Variants in GALNT13 observed in about 807,000 individuals in gnomAD.
The protein encoded by GALNT13 is polypeptide N-acetylgalactosaminyltransferase 13.
GALNT13 carries 28 observed loss-of-function variants against 64.2 expected under a neutral mutation model. The observed-to-expected ratio is 0.44, with a 90% CI of 0.32 to 0.60. The LOEUF is 0.60. Among genes scored for constraint, GALNT13 ranks in the 20% least tolerant of loss-of-function variants. The pLI is 0.05. For synonymous variants in GALNT13, 214 were observed against 224.6 expected (o/e 0.95, Z 0.42); for missense variants, 577 against 669.8 (o/e 0.86, Z 1.53).
the GALNT13 span, among the ~76,000 whole-genome samples, chr2:153,706,212 G>T: frequency 6.6e-6 from 1 of 152,024 alleles, no homozygotes; most frequent in Non-Finnish European, 1.5e-5. Context: ...GGCCAAGATG[G>T]TCTGGATCTC....
At chr2:153,302,851 G>T in the GALNT13 span, among the ~76,000 whole-genome samples, 10 of 152,096 alleles carry the variant, frequency 6.6e-5, no homozygotes, top group South Asian at 6.2e-4. Context: ...TCAACTAACT[G>T]TAAATGCATG....
chr2:154,330,313 A>G (rs1047138885), intron 9 of GALNT13, among the ~76,000 whole-genome samples: 3 of 152,124 alleles, frequency 2.0e-5, no homozygotes, highest in African/African-American at 4.8e-5. Flanking sequence ...ATTCGTTAGT[A>G]TAACACCCTC....
At chr2:153,435,118 T>G in the GALNT13 span, among the ~76,000 whole-genome samples, 2 of 152,194 alleles carry the variant, frequency 1.3e-5, no homozygotes, top group South Asian at 4.1e-4. Flanking sequence ...TTTGTCAGGT[T>G]TGTCAAAGAT....
At chr2:153,359,613 C>G in the GALNT13 span, among the ~76,000 whole-genome samples, 1 of 62,918 alleles carries the variant, frequency 1.6e-5, no homozygotes, top group African/African-American at 5.9e-5. Flanking sequence ...AATGGGACAC[C>G]AAAATCCAGC....
the GALNT13 span, among the ~76,000 whole-genome samples, chr2:153,483,146 A>G: frequency 6.6e-6 from 1 of 152,202 alleles, no homozygotes; most frequent in Admixed American, 6.5e-5. Flanking sequence ...TGGTACAGCC[A>G]TTGTGAAAAA....
intron 9 of GALNT13, among the ~76,000 whole-genome samples, chr2:154,390,330 A>G (rs1338507393): frequency 6.6e-6 from 1 of 152,146 alleles, no homozygotes; most frequent in African/African-American, 2.4e-5. Context: ...TCACCTGGGT[A>G]TTAACCCTAG....
At chr2:154,078,468 A>G (rs1488633976) in intron 3 of GALNT13, among the ~76,000 whole-genome samples, 1 of 151,614 alleles carries the variant, frequency 6.6e-6, no homozygotes, top group Non-Finnish European at 1.5e-5. Flanking sequence ...GTAAGCTACT[A>G]CAAGGATCCA....
At chr2:153,890,892 T>A (rs1687506483) in intron 1 of GALNT13, among the ~76,000 whole-genome samples, 1 of 151,994 alleles carries the variant, frequency 6.6e-6, no homozygotes, top group South Asian at 2.1e-4. Flanking sequence ...GTCACTGGCA[T>A]TTATTCTCTG....
chr2:153,530,925 C>T, the GALNT13 span, among the ~76,000 whole-genome samples: 1 of 152,186 alleles, frequency 6.6e-6, no homozygotes, highest in Non-Finnish European at 1.5e-5. Context: ...AGACCTAAAA[C>T]TGTGAAACTA....
chr2:153,531,314 G>A, the GALNT13 span, among the ~76,000 whole-genome samples: 1 of 152,196 alleles, frequency 6.6e-6, no homozygotes, highest in Admixed American at 6.5e-5. Context: ...AGAATGTGAA[G>A]GGGAAGCAAG....
At chr2:154,426,886 TTTCAA>T (rs1329663562) in intron 11 of GALNT13, among the ~76,000 whole-genome samples, 1 of 152,176 alleles carries the variant, frequency 6.6e-6, no homozygotes, top group Non-Finnish European at 1.5e-5. Context: ...ATTATTTTCA[TTTCAA>T]TTCAATTCAT....
chr2:153,935,231 C>A (rs1340016842), intron 2 of GALNT13, among the ~76,000 whole-genome samples: 1 of 152,112 alleles, frequency 6.6e-6, no homozygotes, highest in Non-Finnish European at 1.5e-5. Flanking sequence ...TATTATCCAG[C>A]ACAACTGACA....
the GALNT13 span, among the ~76,000 whole-genome samples, chr2:153,724,196 C>T: frequency 1.2e-3 from 173 of 143,182 alleles, 4 homozygotes; most frequent in African/African-American, 4.7e-3. Flanking sequence ...GAAAAACAAG[C>T]AATGGGGAAA....
intron 8 of GALNT13, among the ~76,000 whole-genome samples, chr2:154,277,248 T>C (rs1691699958): frequency 6.6e-6 from 1 of 152,204 alleles, no homozygotes; most frequent in South Asian, 2.1e-4. Context: ...TATATACCTA[T>C]ATCTGATCCC....
chr2:153,549,008 C>T, the GALNT13 span, among the ~76,000 whole-genome samples: 5 of 152,112 alleles, frequency 3.3e-5, no homozygotes, highest in South Asian at 2.1e-4. Flanking sequence ...AAGCCAGACA[C>T]AAGAGGCTAC....
chr2:153,430,109 A>G, the GALNT13 span, among the ~76,000 whole-genome samples: 1 of 152,146 alleles, frequency 6.6e-6, no homozygotes, highest in African/African-American at 2.4e-5. Flanking sequence ...TTAAGTGATG[A>G]GAGTTTTAGA....
chr2:153,925,184 T>TG (rs1177658925), intron 2 of GALNT13, among the ~76,000 whole-genome samples: 3 of 152,106 alleles, frequency 2.0e-5, no homozygotes, highest in African/African-American at 7.3e-5. Context: ...TTTATAGTTT[T>TG]GGGTATGTAT....
the GALNT13 span, among the ~76,000 whole-genome samples, chr2:153,720,519 C>T: frequency 3.3e-5 from 5 of 150,422 alleles, no homozygotes; most frequent in South Asian, 2.1e-4. Context: ...CTCTGAGCTA[C>T]GGGAGGACAT....
At chr2:154,366,529 G>C (rs927642673) in intron 9 of GALNT13, among the ~76,000 whole-genome samples, 4 of 152,140 alleles carry the variant, frequency 2.6e-5, no homozygotes, top group African/African-American at 9.7e-5. Flanking sequence ...TTTAGACTGA[G>C]ATATCAAGTA....
Sources: allele counts gnomAD v4.1 joint callset (sites outside exome capture counted in the v4.1 genomes callset), GRCh38; gene constraint gnomAD v4.1.1; transcripts MANE v1.5; gene names NCBI Gene and HGNC (gene_info 2026-07-23, HGNC 2026-07-21).